ZCCHC2: variants seen among roughly 807,000 people sequenced by gnomAD.
ZCCHC2 encodes the protein zinc finger CCHC-type containing 2.
Under a neutral mutation model 103.6 loss-of-function variants are expected in ZCCHC2, and 39 were observed. That is an observed-to-expected ratio of 0.38 (90% confidence interval 0.29 to 0.49). The LOEUF (loss-of-function observed/expected upper bound fraction) is 0.49, where lower values mean the gene tolerates loss of function less well. Among genes scored for constraint, ZCCHC2 ranks in the 20% least tolerant of loss-of-function variants. The pLI, the probability that ZCCHC2 is intolerant of heterozygous loss-of-function variation, is 0.96. For synonymous variants in ZCCHC2, 687 were observed against 608.9 expected, an observed-to-expected ratio of 1.13 and a Z score of -1.89; for missense variants, 1,483 against 1,491.0, an observed-to-expected ratio of 0.99 and a Z score of 0.09.
chr18:62,534,935 C>T (rs541416161), intron 1 of ZCCHC2, among the ~76,000 whole-genome samples: 36 of 152,260 alleles, frequency 2.4e-4, no homozygotes, highest in African/African-American at 6.3e-4. Flanking sequence ...CAGTTACTGC[C>T]GTAGATCCTT....
At chr18:62,532,538 C>G (rs927183498) in intron 1 of ZCCHC2, among the ~76,000 whole-genome samples, 2 of 152,204 alleles carry the variant, frequency 1.3e-5, no homozygotes, top group East Asian at 3.8e-4. Context: ...GGCCTTTAGA[C>G]TCAAAATCTC....
chr18:62,563,670 T>G (rs1916220969), intron 9 of ZCCHC2, among the ~76,000 whole-genome samples: 1 of 152,088 alleles, frequency 6.6e-6, no homozygotes, highest in Non-Finnish European at 1.5e-5. Flanking sequence ...AAAATAAATT[T>G]AAAACAAAAT....
intron 8 of ZCCHC2, among the ~76,000 whole-genome samples, chr18:62,562,766 C>A (rs1000592729): frequency 1.3e-5 from 2 of 152,184 alleles, no homozygotes; most frequent in African/African-American, 4.8e-5. Flanking sequence ...TGATCACCAT[C>A]GCATAGTGTC....
intron 1 of ZCCHC2, among the ~76,000 whole-genome samples, chr18:62,529,741 G>C (rs1914601605): frequency 6.6e-6 from 1 of 152,172 alleles, no homozygotes; most frequent in African/African-American, 2.4e-5. Context: ...TGGGAGGCGG[G>C]AGCGGGTGCT....
intron 4 of ZCCHC2, among the ~76,000 whole-genome samples, chr18:62,547,549 G>GT (rs1157243963): frequency 1.0e-3 from 144 of 142,524 alleles, no homozygotes; most frequent in Admixed American, 1.5e-3. Flanking sequence ...GGGTTTGTTT[G>GT]TTTTTTTTTT....
At chr18:62,576,234 C>T (rs1462460607) in intron 13 of ZCCHC2, among the ~76,000 whole-genome samples, 3 of 152,102 alleles carry the variant, frequency 2.0e-5, no homozygotes, top group Non-Finnish European at 2.9e-5. Flanking sequence ...TGACCTTTGT[C>T]GTTTTGCCAA....
intron 12 of ZCCHC2, among the ~76,000 whole-genome samples, chr18:62,573,692 A>G (rs764582902): frequency 6.6e-6 from 1 of 152,218 alleles, no homozygotes; most frequent in Non-Finnish European, 1.5e-5. Flanking sequence ...TTGGGTTGGC[A>G]GTGCAGAATA....
chr18:62,547,848 G>A (rs954486429), intron 4 of ZCCHC2, among the ~76,000 whole-genome samples: 1 of 152,084 alleles, frequency 6.6e-6, no homozygotes, highest in Non-Finnish European at 1.5e-5. Context: ...CATGGTGTGG[G>A]CCACCATGTC....
intron 4 of ZCCHC2, 138 bp downstream of exon 4, chr18:62,545,011 G>A (rs1915351595): frequency 3.2e-6 from 2 of 623,886 alleles, no homozygotes; most frequent in Non-Finnish European, 2.6e-6. Context: ...CATTAGCTGT[G>A]GAAAACGTCA....
chr18:62,523,299 C>G lies in ZCCHC2; in HGVS notation c.-126C>G. 1.1e-6 allele frequency: 1 copy of G among 928,038 alleles called. No individual in the cohort carries two copies. Among genetic ancestry groups the G allele is most frequent in the Non-Finnish European group, 1.3e-6 (1 of 778,440 alleles). 57.5% of individuals were successfully genotyped at this position (928,038 alleles called of 1,614,324 possible). A position where few individuals can be genotyped will look rare whatever the true frequency, so the allele number is the denominator to read the frequency against. ...GCCGGCCGAGACCCGCCCCCGGCCC[C>G]GGCCCTCCCCCGGCGGCATGGAGGG... On this transcript the variant is annotated 5_prime_UTR_variant, in exon 1 of 14. Transcript: ENST00000269499.
rs370604274 is a variant in ZCCHC2, at chr18:62,574,056, G to C, written c.1976-1G>C. Reference sequence around the variant, plus strand: ...TATCTCTTTATGTTTGTTTTCTTTAGACACAGACAGCAATTCTGAGGATTC... The same window carrying C: ...TATCTCTTTATGTTTGTTTTCTTTACACACAGACAGCAATTCTGAGGATTC... On this transcript the variant is annotated splice_acceptor_variant, in intron 12 of 13. Transcript: ENST00000269499. LOFTEE classifies it high-confidence loss of function. 6.3e-5 allele frequency: 102 copies of C among 1,610,774 alleles called. No homozygotes were observed. Among genetic ancestry groups the C allele is most frequent in the Non-Finnish European group, 9.3e-6 (11 of 1,178,210 alleles).
chr18:62,550,571 C>G (rs1915622381), intron 5 of ZCCHC2, 111 bp downstream of exon 5: 1 of 737,572 alleles, frequency 1.4e-6, no homozygotes, highest in African/African-American at 1.8e-5. Context: ...TGGCGTACTT[C>G]TTAAAATGGA....
intron 4 of ZCCHC2, among the ~76,000 whole-genome samples, chr18:62,548,539 A>G (rs1235611211): frequency 6.6e-6 from 1 of 152,242 alleles, no homozygotes; most frequent in Non-Finnish European, 1.5e-5. Context: ...TTGTGTTTAA[A>G]ATGGGTAGTA....
At chr18:62,583,301 C>T (rs991964695), downstream of ZCCHC2, among the ~76,000 whole-genome samples, 4 of 151,654 alleles carry the variant, frequency 2.6e-5, no homozygotes, top group African/African-American at 9.7e-5. Flanking sequence ...GAAAGCTTGC[C>T]AGTTAATGGT....
downstream of ZCCHC2, among the ~76,000 whole-genome samples, chr18:62,580,300 A>G (rs1312613590): frequency 6.6e-6 from 1 of 152,184 alleles, no homozygotes; most frequent in Non-Finnish European, 1.5e-5. Context: ...TTCTGTTACA[A>G]ACAAGTCTGC....
Position 62,523,493 on chromosome 18 carries a change from C to G in ZCCHC2, c.69C>G (p.Pro23=), listed in dbSNP as rs1028396948. 3.0e-6 allele frequency: 3 copies of G among 1,003,546 alleles called. No individual in the cohort carries two copies. In the Admixed American group the frequency reaches 1.8e-4, roughly 61 times the overall value. The allele number at this position is 1,003,546 out of a possible 1,614,324, so 62.2% of individuals were successfully genotyped here. A position where few individuals can be genotyped will look rare whatever the true frequency, so the allele number is the denominator to read the frequency against. ...PAEPPPEAEE[P]EADARPGAKA... ...AGCCGCCGCCCGAGGCGGAGGAGCC[C>G]GAGGCGGACGCGCGGCCGGGCGCGA... is the stretch of plus-strand genomic sequence containing the variant. Residue 23 remains proline (P), a synonymous_variant, in exon 1 of 14, where the codon CCC becomes CCG. Transcript: ENST00000269499.
chr18:62,583,249 A>AT (rs1917082779), downstream of ZCCHC2, among the ~76,000 whole-genome samples: 1 of 152,210 alleles, frequency 6.6e-6, no homozygotes, highest in African/African-American at 2.4e-5. Context: ...CTGATGAACG[A>AT]TATAGAAGCT....
At chr18:62,563,781 A>G (rs1239118604) in intron 9 of ZCCHC2, among the ~76,000 whole-genome samples, 1 of 152,250 alleles carries the variant, frequency 6.6e-6, no homozygotes, top group East Asian at 1.9e-4. Context: ...TCAGATTTCA[A>G]TCACTGCCTT....
At chr18:62,557,830 G>C (rs561401501) in intron 6 of ZCCHC2, among the ~76,000 whole-genome samples, 9 of 152,202 alleles carry the variant, frequency 5.9e-5, no homozygotes, top group Non-Finnish European at 1.2e-4. Flanking sequence ...GGGTGTGGCA[G>C]TATTTAAATT....
Sources: allele counts gnomAD v4.1 joint callset (sites outside exome capture counted in the v4.1 genomes callset), GRCh38; gene constraint gnomAD v4.1.1; transcripts MANE v1.5; gene names NCBI Gene and HGNC (gene_info 2026-07-23, HGNC 2026-07-21).